Variants in HSDL2 observed in about 807,000 individuals in gnomAD.
The protein encoded by HSDL2 is hydroxysteroid dehydrogenase like 2, also known as hydroxysteroid dehydrogenase-like protein 2.
A neutral mutation model predicts 46.3 loss-of-function variants in HSDL2; 27 were observed. The observed-to-expected ratio is 0.58, with a 90% CI of 0.43 to 0.80. The LOEUF is 0.80. HSDL2 is among the 30% of genes least tolerant of loss of function. The pLI, the probability that HSDL2 is intolerant of heterozygous loss-of-function variation, is 0.00. For synonymous variants in HSDL2, 153 were observed against 163.6 expected, an observed-to-expected ratio of 0.94 and a Z score of 0.50; for missense variants, 451 against 502.7, an observed-to-expected ratio of 0.90 and a Z score of 0.98.
At chr9:112,448,741 G>C (rs926985627) in intron 8 of HSDL2, among the ~76,000 whole-genome samples, 2 of 151,358 alleles carry the variant, frequency 1.3e-5, no homozygotes, top group Non-Finnish European at 1.5e-5. Flanking sequence ...ATTTTTAGTA[G>C]AGACAGGGTT....
At chr9:112,392,590 T>G (rs1831369446) in intron 1 of HSDL2, among the ~76,000 whole-genome samples, 3 of 152,150 alleles carry the variant, frequency 2.0e-5, no homozygotes, top group South Asian at 4.2e-4. Context: ...GCAATATCTC[T>G]CCTACTTGCA....
chr9:112,461,606 G>A (rs1833212234), intron 10 of HSDL2, among the ~76,000 whole-genome samples: 1 of 152,192 alleles, frequency 6.6e-6, no homozygotes, highest in Admixed American at 6.5e-5. Context: ...TTTATTGCAT[G>A]ATTGCTACAG....
At chr9:112,426,499 G>A (rs950500573) in intron 6 of HSDL2, among the ~76,000 whole-genome samples, 2 of 152,142 alleles carry the variant, frequency 1.3e-5, no homozygotes, top group Non-Finnish European at 1.5e-5. Context: ...GTCTCCCAAA[G>A]TGCTGGGATT....
chr9:112,435,817 C>T (rs1473462743), intron 6 of HSDL2, among the ~76,000 whole-genome samples: 1 of 151,974 alleles, frequency 6.6e-6, no homozygotes, highest in Non-Finnish European at 1.5e-5. Context: ...ACTGCAGCCT[C>T]AAATTCCTAG....
At chr9:112,416,697 C>T (rs1832003788) in intron 4 of HSDL2, 144 bp from the exon 5 acceptor site, 1 of 469,674 alleles carries the variant, frequency 2.1e-6, no homozygotes. Flanking sequence ...GCCCAGGAGC[C>T]CAGGAGCTCA....
At chr9:112,400,578 T>A (rs10759558) in intron 1 of HSDL2, among the ~76,000 whole-genome samples, 65,659 of 151,758 alleles carry the variant, frequency 0.43, 14,441 homozygotes, top group South Asian at 0.5. Context: ...CTGCACTCCA[T>A]CCTGGTGACA....
At chr9:112,398,890 G>A (rs1831523619) in intron 1 of HSDL2, among the ~76,000 whole-genome samples, 1 of 152,170 alleles carries the variant, frequency 6.6e-6, no homozygotes, top group Non-Finnish European at 1.5e-5. Context: ...TTTAACAGGA[G>A]TTTAATATAG....
intron 6 of HSDL2, among the ~76,000 whole-genome samples, chr9:112,429,489 A>T (rs951677289): frequency 2.0e-5 from 3 of 152,170 alleles, no homozygotes; most frequent in East Asian, 3.9e-4. Context: ...GGGGTAACAA[A>T]GTCAGAAAAA....
At chr9:112,448,722 T>A (rs63375761) in intron 8 of HSDL2, among the ~76,000 whole-genome samples, 144,907 of 151,654 alleles carry the variant, frequency 0.96, 69,294 homozygotes, top group African/African-American at 0.98. Context: ...TTTTTTTTTT[T>A]ATTTTTTTAT....
intron 3 of HSDL2, 71 bp from the exon 4 acceptor site, chr9:112,408,836 G>A (rs531959741): frequency 1.8e-5 from 14 of 783,292 alleles, no homozygotes; most frequent in Non-Finnish European, 3.0e-5. Context: ...GAGGGTTCAA[G>A]AGAGTAAACG....
chr9:112,438,513 A>G lies in HSDL2; in HGVS notation c.681A>G (p.Ala227=), dbSNP rs1440871441. The G allele has an allele frequency of 1.2e-6, 2 of 1,612,980 alleles. No individual in the cohort carries two copies. The highest frequency in any genetic ancestry group is 4.5e-5 in the East Asian group (2 of 44,846). The stretch of plus-strand genomic sequence containing the variant: ...GAAAAGTTGATATCATTGCAGATGC[A>G]GCATATTCCATTTTCCAAAAGCCAA... The part of the protein sequence containing the change: ...QCRKVDIIAD[A]AYSIFQKPKS... Residue 227 remains alanine (A), a synonymous_variant, in exon 7 of 11, where the codon GCA becomes GCG. Coordinates refer to ENST00000398805, the MANE Select transcript of HSDL2 (RefSeq NM_032303.5).
intron 6 of HSDL2, among the ~76,000 whole-genome samples, chr9:112,430,338 C>G (rs1832358598): frequency 6.6e-6 from 1 of 152,008 alleles, no homozygotes. Flanking sequence ...GATGCAAGAG[C>G]AGGGAGAAGA....
intron 1 of HSDL2, among the ~76,000 whole-genome samples, chr9:112,399,289 AG>A (rs1831534473): frequency 6.6e-6 from 1 of 152,120 alleles, no homozygotes; most frequent in East Asian, 1.9e-4. Context: ...TCAAAAGGGG[AG>A]GGGGTGTAAG....
intron 2 of HSDL2, 139 bp downstream of exon 2, chr9:112,404,297 T>C: frequency 2.5e-6 from 2 of 791,634 alleles, no homozygotes; most frequent in Non-Finnish European, 1.9e-6. Flanking sequence ...ATTTATGTTG[T>C]CACCTTGGGG....
At chr9:112,431,786 G>A (rs1587951697) in intron 6 of HSDL2, among the ~76,000 whole-genome samples, 2 of 151,982 alleles carry the variant, frequency 1.3e-5, no homozygotes, top group African/African-American at 2.4e-5. Flanking sequence ...CAGAAGCCAA[G>A]TGATGTTGGA....
At position 112,408,939 on chromosome 9, in the gene HSDL2, A is replaced by G; in HGVS notation, c.313A>G (p.Ile105Val). The part of the protein sequence containing the change: ...IDILVNNASA[I>V]SLTNTLDTPT... ...TATTCTGGTAAATAATGCCAGTGCC[A>G]TTAGTTTGACCAATACATTGGACAC... The change falls in exon 4 of 11, where the codon ATT becomes GTT. Residue 105 changes from isoleucine to valine, a missense_variant. Transcript: ENST00000398805. 2 of 1,592,996 alleles carry G rather than the reference A, an allele frequency of 1.3e-6. No homozygotes were observed. Among genetic ancestry groups the G allele is most frequent in the East Asian group, 2.3e-5 (1 of 44,270 alleles).
At chr9:112,459,666 C>G in intron 10 of HSDL2, 89 bp downstream of exon 10, 1 of 1,152,900 alleles carries the variant, frequency 8.7e-7, no homozygotes, top group Non-Finnish European at 1.3e-6. Flanking sequence ...ATAATCAAGA[C>G]TTGTAAATGT....
chr9:112,470,383 C>G (rs1833541045), intron 10 of HSDL2, 49 bp from the exon 11 acceptor site: 2 of 1,106,198 alleles, frequency 1.8e-6, no homozygotes, highest in South Asian at 2.6e-5. Context: ...GCAATATATC[C>G]CTAAGGGCAC....
At chr9:112,392,363 G>T (rs754396081) in intron 1 of HSDL2, among the ~76,000 whole-genome samples, 5 of 152,172 alleles carry the variant, frequency 3.3e-5, no homozygotes, top group Non-Finnish European at 5.9e-5. Flanking sequence ...TGAGAGCAGA[G>T]AACCGGTTGA....
Sources: allele counts gnomAD v4.1 joint callset (sites outside exome capture counted in the v4.1 genomes callset), GRCh38; gene constraint gnomAD v4.1.1; transcripts MANE v1.5; gene names NCBI Gene and HGNC (gene_info 2026-07-23, HGNC 2026-07-21).